Variants in MINDY4 observed in about 807,000 individuals in gnomAD.
The protein encoded by MINDY4 is probable ubiquitin carboxyl-terminal hydrolase MINDY-4.
A neutral mutation model predicts 87.0 loss-of-function variants in MINDY4; 68 were observed. That is an observed-to-expected ratio of 0.78 (90% confidence interval 0.64 to 0.96). MINDY4 has a LOEUF of 0.96. MINDY4 is among the 40% of genes least tolerant of loss of function. The pLI is 0.00. For missense variants in MINDY4, 919 were observed against 928.2 expected, an observed-to-expected ratio of 0.99 and a Z score of 0.13; for synonymous variants, 379 against 363.2, an observed-to-expected ratio of 1.04 and a Z score of -0.50.
At chr7:30,817,919 C>T (rs935206757) in intron 5 of MINDY4, among the ~76,000 whole-genome samples, 1 of 152,206 alleles carries the variant, frequency 6.6e-6, no homozygotes, top group African/African-American at 2.4e-5. Context: ...GAAACCTGGA[C>T]TCTGGTCCTG....
chr7:30,810,165 ACT>A (rs2128557904), intron 5 of MINDY4, among the ~76,000 whole-genome samples: 1 of 117,972 alleles, frequency 8.5e-6, no homozygotes, highest in Non-Finnish European at 1.6e-5. Context: ...ACAGAGCAAG[ACT>A]CTGTTTCAAA....
rs945432822 is a variant in MINDY4 at position 30,839,120 on chromosome 7, T to C, written c.1240-80T>C. ...TCCCTGCTAGAATTCAAGAACAACT[T>C]CTGCAGGAATATGCACACTGAACAT... On this transcript the variant is annotated intron_variant, in intron 7 of 17. Transcript: ENST00000265299. 16 of 850,450 alleles carry C rather than the reference T, an allele frequency of 1.9e-5. No homozygotes were observed. In the African/African-American group the frequency reaches 2.8e-4, roughly 15 times the overall value. 52.7% of individuals were successfully genotyped at this position (850,450 alleles called of 1,614,324 possible). A position where few individuals can be genotyped will look rare whatever the true frequency, so the allele number is the denominator to read the frequency against.
Position 30,797,493 on chromosome 7 carries a change from G to A in MINDY4, c.1073+5919G>A, listed in dbSNP as rs569723637. ...GGAACTTGCACTTTGATCTCTGGAC[G>A]CAAATGCCGACAGCAGTTGTGCACA... On this transcript the variant is annotated intron_variant, in intron 5 of 17. Transcript: ENST00000265299. Among the ~76,000 whole-genome samples the A allele has an allele frequency of 5.9e-5, 9 of 152,272 alleles. No homozygotes were observed. In the East Asian group the frequency reaches 1.2e-3, roughly 20 times the overall value.
At chr7:30,784,415 C>G (rs555602325) in intron 3 of MINDY4, among the ~76,000 whole-genome samples, 2 of 152,350 alleles carry the variant, frequency 1.3e-5, no homozygotes, top group Non-Finnish European at 2.9e-5. Context: ...AGTTCACACT[C>G]CCATCCTCTT....
rs1376011955 is a variant in MINDY4 at position 30,862,167 on chromosome 7, AG to A, written c.1745+2846del. ...TCCTGACTGTTGCATGCTTCCCCCG[AG>A]GGCCTGCAGGAGATGTGGGCATCTG... On this transcript the variant is annotated intron_variant, in intron 13 of 17. Coordinates refer to ENST00000265299, the MANE Select transcript of MINDY4 (RefSeq NM_032222.3). 2.0e-5 allele frequency among the ~76,000 whole-genome samples: 3 copies of A among 152,162 alleles called. No individual in the cohort carries two copies. The East Asian group carries it at 5.8e-4, about 29-fold the overall frequency.
chr7:30,872,399 A>G, intron 14 of MINDY4, 93 bp downstream of exon 14: 1 of 1,226,520 alleles, frequency 8.2e-7, no homozygotes, highest in Admixed American at 2.0e-5. Context: ...CCCCAGAAAA[A>G]GACAAGTCTT....
At chr7:30,803,053 A>C (rs979899691) in intron 5 of MINDY4, 1 of 152,250 alleles carries the variant, frequency 6.6e-6, no homozygotes, top group East Asian at 1.9e-4. Context: ...CACCCAATCA[A>C]ACCAGCCAAC....
chr7:30,833,912 C>G (rs544172680), intron 6 of MINDY4, among the ~76,000 whole-genome samples: 154 of 152,376 alleles, frequency 1.0e-3, no homozygotes, highest in African/African-American at 3.5e-3. Flanking sequence ...CTAGGTCATG[C>G]TGATGCAAGA....
At chr7:30,806,775 C>T (rs1652728905) in intron 5 of MINDY4, among the ~76,000 whole-genome samples, 1 of 152,218 alleles carries the variant, frequency 6.6e-6, no homozygotes, top group Non-Finnish European at 1.5e-5. Flanking sequence ...TGTTTGAAAG[C>T]TCTGGAGGGT....
intron 9 of MINDY4, among the ~76,000 whole-genome samples, chr7:30,842,086 G>A (rs1584302216): frequency 6.6e-6 from 1 of 152,328 alleles, no homozygotes; most frequent in Admixed American, 6.5e-5. Flanking sequence ...AGTGAAGGTG[G>A]CTTTTCATGC....
chr7:30,826,250 A>C (rs1788498974), intron 5 of MINDY4, among the ~76,000 whole-genome samples: 1 of 152,244 alleles, frequency 6.6e-6, no homozygotes, highest in South Asian at 2.1e-4. Context: ...GCCGTTATTC[A>C]GCCTATGACA....
chr7:30,823,502 C>T (rs1788403763), intron 5 of MINDY4, among the ~76,000 whole-genome samples: 1 of 152,106 alleles, frequency 6.6e-6, no homozygotes, highest in African/African-American at 2.4e-5. Flanking sequence ...CAGTAGCAGA[C>T]TCATGAATTT....
At chr7:30,811,807 G>A (rs6960403) in intron 5 of MINDY4, among the ~76,000 whole-genome samples, 3 of 152,230 alleles carry the variant, frequency 2.0e-5, no homozygotes, top group East Asian at 1.9e-4. Flanking sequence ...AATCGATCAC[G>A]ACCCTCTCAT....
chr7:30,856,431 G>A (rs1182790401), intron 12 of MINDY4, among the ~76,000 whole-genome samples: 1 of 151,988 alleles, frequency 6.6e-6, no homozygotes, highest in Non-Finnish European at 1.5e-5. Context: ...GGCATGTCCA[G>A]GGCTCAAGGG....
At chr7:30,864,227 C>T (rs188546124) in intron 13 of MINDY4, among the ~76,000 whole-genome samples, 40 of 152,340 alleles carry the variant, frequency 2.6e-4, no homozygotes, top group African/African-American at 7.7e-4. Flanking sequence ...TGAGGGATGA[C>T]GCTGGGCAGG....
chr7:30,799,676 G>GT (rs1362014129), intron 5 of MINDY4, among the ~76,000 whole-genome samples: 1 of 152,246 alleles, frequency 6.6e-6, no homozygotes, highest in Admixed American at 6.5e-5. Flanking sequence ...TGAGTCAGAA[G>GT]TTTGGGGGTG....
intron 13 of MINDY4, among the ~76,000 whole-genome samples, chr7:30,864,232 G>A (rs923912158): frequency 2.0e-5 from 3 of 152,228 alleles, no homozygotes; most frequent in Admixed American, 6.5e-5. Flanking sequence ...GATGACGCTG[G>A]GCAGGACCCA....
In MINDY4 at chr7:30,892,138, A is replaced by C; in HGVS notation, c.*133A>C. On this transcript the variant is annotated 3_prime_UTR_variant, in exon 18 of 18. Transcript: ENST00000265299. ...TCAGCATGACTGCAGAAGCATCCAG[A>C]GCCTCCCTGCCCCTTCCATGAAGGG... 1.1e-6 allele frequency: 1 copy of C among 932,662 alleles called. No homozygotes were observed. Among genetic ancestry groups the C allele is most frequent in the Non-Finnish European group, 1.7e-6 (1 of 584,078 alleles). 57.8% of individuals were successfully genotyped at this position (932,662 alleles called of 1,614,324 possible).
rs1786627929 is a variant in MINDY4, at chr7:30,771,436, C to CAGTT, written c.-57_-54dup. 6.4e-7 allele frequency: 1 copy of CAGTT among 1,558,038 alleles called. No individual in the cohort carries two copies. Among genetic ancestry groups the CAGTT allele is most frequent in the South Asian group, 1.2e-5 (1 of 84,772 alleles). On this transcript the variant is annotated 5_prime_UTR_variant, in exon 1 of 18. Coordinates refer to ENST00000265299, the MANE Select transcript of MINDY4 (RefSeq NM_032222.3). ...GCGGCCATACTGCGCCGGACAGACC[C>CAGTT]AGTTGCCTGGTGCTGCGGCCCGGCG...
Sources: allele counts gnomAD v4.1 joint callset (sites outside exome capture counted in the v4.1 genomes callset), GRCh38; gene constraint gnomAD v4.1.1; transcripts MANE v1.5; gene names NCBI Gene and HGNC (gene_info 2026-07-23, HGNC 2026-07-21).